Variants in RASGEF1C observed in about 807,000 individuals in gnomAD.
The protein encoded by RASGEF1C is RasGEF domain family member 1C, also known as ras-GEF domain-containing family member 1C.
In RASGEF1C, 27 loss-of-function variants were observed where a neutral mutation model predicts 58.1. The observed-to-expected ratio is 0.46, with a 90% confidence interval of 0.34 to 0.64. The LOEUF (loss-of-function observed/expected upper bound fraction) is 0.64, where lower values mean the gene tolerates loss of function less well. Ranked by LOEUF, RASGEF1C falls within the 30% of genes least tolerant of loss-of-function variation. RASGEF1C has a pLI of 0.01. For synonymous variants in RASGEF1C, 243 were observed against 246.3 expected (o/e 0.99, Z 0.13); for missense variants, 502 against 605.1 (o/e 0.83, Z 1.79).
intron 12 of RASGEF1C, among the ~76,000 whole-genome samples, chr5:180,107,090 T>C (rs1275381050): frequency 2.0e-5 from 3 of 152,208 alleles, no homozygotes; most frequent in Non-Finnish European, 4.4e-5. Flanking sequence ...ACTCTTGCTT[T>C]CCTCTAATTA....
chr5:180,107,436 C>T lies in RASGEF1C; in HGVS notation c.1303+4021G>A, dbSNP rs542235556. On this transcript the variant is annotated intron_variant, in intron 12 of 13. Transcript: ENST00000361132. ...GTTAATTCCTGAAGGATGTTTTCAC[C>T]GTATATAGGATTCTGGCTTGACAGT... is the stretch of plus-strand genomic sequence containing the variant. 2.6e-3 allele frequency among the ~76,000 whole-genome samples: 396 copies of T among 151,882 alleles called. 2 individuals carry two copies. The highest frequency in any genetic ancestry group is 4.8e-3 in the African/African-American group (197 of 41,412).
At position 180,184,492 on chromosome 5, in the gene RASGEF1C, G is replaced by A. The variant is rs113216996; in HGVS notation, c.-7+24536C>T. Among the ~76,000 whole-genome samples the A allele has an allele frequency of 2.4e-3, 359 of 151,704 alleles. 2 individuals are homozygous for A. Among genetic ancestry groups the A allele is most frequent in the Non-Finnish European group, 4.5e-3 (305 of 67,884 alleles). On this transcript the variant is annotated intron_variant, in intron 1 of 13. Coordinates refer to ENST00000361132, the MANE Select transcript of RASGEF1C (RefSeq NM_175062.4). ...CTCGGGAGGCTGAGGCAGGAGAATC[G>A]CTTGAACCCGGGAGGTGGAGGTTGC...
rs35004526 is a variant in RASGEF1C at position 180,122,740 on chromosome 5, TA to T, written c.715-1592del. Reference sequence around the variant, plus strand: ...TGGGAAACAAGAGCGAAACTTCATCTAAAAAAAAAAAAAAAAACTAAAACAA... The same window carrying T: ...TGGGAAACAAGAGCGAAACTTCATCTAAAAAAAAAAAAAAAACTAAAACAA... On this transcript the variant is annotated intron_variant, in intron 6 of 13. Transcript: ENST00000361132. Among the ~76,000 whole-genome samples the T allele has an allele frequency of 9.4e-3, 1,093 of 115,902 alleles. 19 individuals are homozygous for T. Among genetic ancestry groups the T allele is most frequent in the African/African-American group, 0.031 (910 of 29,294 alleles). 76.0% of individuals were successfully genotyped at this position (115,902 alleles called of 152,430 possible). A position where few individuals can be genotyped will look rare whatever the true frequency, so the allele number is the denominator to read the frequency against.
intron 6 of RASGEF1C, among the ~76,000 whole-genome samples, chr5:180,122,525 G>A (rs1473789932): frequency 6.6e-6 from 1 of 152,132 alleles, no homozygotes; most frequent in African/African-American, 2.4e-5. Context: ...TGGATCACCT[G>A]AGGTCAGGAG....
intron 1 of RASGEF1C, among the ~76,000 whole-genome samples, chr5:180,167,939 G>A (rs1483774900): frequency 1.3e-5 from 2 of 152,244 alleles, no homozygotes; most frequent in Non-Finnish European, 2.9e-5. Context: ...TTCCACGTAA[G>A]CTCTGTTTTC....
chr5:180,124,771 C>A (rs933533015), intron 6 of RASGEF1C, among the ~76,000 whole-genome samples: 3 of 152,034 alleles, frequency 2.0e-5, no homozygotes, highest in African/African-American at 7.3e-5. Context: ...TTGTAGTGAG[C>A]GAAGATCGTG....
intron 10 of RASGEF1C, among the ~76,000 whole-genome samples, chr5:180,117,994 CA>C (rs3078957): frequency 0.015 from 1,643 of 108,600 alleles, 9 homozygotes; most frequent in Non-Finnish European, 0.024. Flanking sequence ...ACTCCATCTC[CA>C]AAAAAAAAAA....
intron 1 of RASGEF1C, among the ~76,000 whole-genome samples, chr5:180,160,058 G>C (rs926198062): frequency 5.9e-5 from 9 of 152,188 alleles, no homozygotes; most frequent in African/African-American, 2.2e-4. Context: ...CTGCCTCCAG[G>C]GCTCATGGCT....
At chr5:180,126,672 G>A (rs1766268379) in intron 6 of RASGEF1C, among the ~76,000 whole-genome samples, 1 of 152,122 alleles carries the variant, frequency 6.6e-6, no homozygotes, top group South Asian at 2.1e-4. Context: ...CACCATTCTA[G>A]TTATAGACGT....
At chr5:180,132,967 CA>C (rs1766395598) in intron 4 of RASGEF1C, among the ~76,000 whole-genome samples, 1 of 87,668 alleles carries the variant, frequency 1.1e-5, no homozygotes, top group Non-Finnish European at 2.3e-5. Context: ...GACTCCGTCT[CA>C]GAAAAAAAAA....
In RASGEF1C at chr5:180,127,537, C is replaced by T. The variant is rs549600308; in HGVS notation, c.714+72G>A. 30 of 1,447,852 alleles carry T rather than the reference C, an allele frequency of 2.1e-5. 1 individual carries two copies. In the South Asian group the frequency reaches 3.9e-4, roughly 19 times the overall value. The allele number at this position is 1,447,852 out of a possible 1,614,324, so 89.7% of individuals were successfully genotyped here. A position where few individuals can be genotyped will look rare whatever the true frequency, so the allele number is the denominator to read the frequency against. On this transcript the variant is annotated intron_variant, in intron 6 of 13. Coordinates refer to ENST00000361132, the MANE Select transcript of RASGEF1C (RefSeq NM_175062.4). Reference sequence around the variant, plus strand: ...CTCCAGCGCTCGCCCAGAGAAGGCTCGCGGGCTCCCCGGAGAGCGGCCAGT... The same window carrying T: ...CTCCAGCGCTCGCCCAGAGAAGGCTTGCGGGCTCCCCGGAGAGCGGCCAGT...
chr5:180,182,097 C>G (rs915345823), intron 1 of RASGEF1C, among the ~76,000 whole-genome samples: 1 of 149,672 alleles, frequency 6.7e-6, no homozygotes, highest in Non-Finnish European at 1.5e-5. Flanking sequence ...CCCAGCTACA[C>G]GGGAGGCTGA....
intron 3 of RASGEF1C, among the ~76,000 whole-genome samples, chr5:180,136,969 G>A (rs1766490772): frequency 2.0e-5 from 3 of 152,316 alleles, no homozygotes; most frequent in African/African-American, 7.2e-5. Context: ...CCACGTGACC[G>A]GAAAGGGTGG....
chr5:180,102,575 T>C (rs777152838), intron 12 of RASGEF1C, among the ~76,000 whole-genome samples: 4 of 152,212 alleles, frequency 2.6e-5, no homozygotes, highest in Non-Finnish European at 5.9e-5. Context: ...TTGTATAAGG[T>C]GTGAGGCTTG....
At chr5:180,130,279 C>T (rs954885667) in intron 4 of RASGEF1C, among the ~76,000 whole-genome samples, 1 of 152,176 alleles carries the variant, frequency 6.6e-6, no homozygotes, top group South Asian at 2.1e-4. Flanking sequence ...GCTTCCTCTG[C>T]GGGGTAGGGG....
intron 1 of RASGEF1C, among the ~76,000 whole-genome samples, chr5:180,157,640 AC>A (rs1214107011): frequency 3.6e-4 from 54 of 150,172 alleles, no homozygotes; most frequent in Non-Finnish European, 7.0e-4. Context: ...AAAAAAAAAA[AC>A]AACAAAAATG....
intron 11 of RASGEF1C, among the ~76,000 whole-genome samples, chr5:180,113,251 GGATGGACGGAGGGACCGA>G: frequency 3.0e-5 from 2 of 67,350 alleles, no homozygotes; most frequent in African/African-American, 1.1e-4. Context: ...GAGGGACCGA[GGATGGACGGAGGGACCGA>G]GGATGGACGG....
chr5:180,160,972 C>T (rs890854118), intron 1 of RASGEF1C, among the ~76,000 whole-genome samples: 4 of 152,154 alleles, frequency 2.6e-5, no homozygotes, highest in African/African-American at 7.2e-5. Context: ...GAGGAAGTGG[C>T]GTGTGACTGC....
chr5:180,118,164 T>G (rs1343891538), intron 10 of RASGEF1C, among the ~76,000 whole-genome samples: 2 of 152,138 alleles, frequency 1.3e-5, no homozygotes, highest in Non-Finnish European at 2.9e-5. Flanking sequence ...ACCTCAATTT[T>G]ATCTGAAACA....
Sources: allele counts gnomAD v4.1 joint callset (sites outside exome capture counted in the v4.1 genomes callset), GRCh38; gene constraint gnomAD v4.1.1; transcripts MANE v1.5; gene names NCBI Gene and HGNC (gene_info 2026-07-23, HGNC 2026-07-21).